The following SYT9 variants were observed in gnomAD, a reference collection of about 807,000 sequenced individuals.
The protein encoded by SYT9 is synaptotagmin-9.
SYT9 carries 22 observed loss-of-function variants against 48.4 expected under a neutral mutation model. The ratio of observed to expected loss-of-function variants is 0.45; its 90% confidence interval spans 0.32 to 0.65. SYT9 has a LOEUF of 0.65. Ranked by LOEUF, SYT9 falls within the 30% of genes least tolerant of loss-of-function variation. The pLI, the probability that SYT9 is intolerant of heterozygous loss-of-function variation, is 0.03. For missense variants in SYT9, 577 were observed against 622.0 expected (o/e 0.93, Z 0.77); for synonymous variants, 265 against 245.0 (o/e 1.08, Z -0.76).
intron 1 of SYT9, among the ~76,000 whole-genome samples, chr11:7,257,550 A>G (rs1847996943): frequency 6.6e-6 from 1 of 152,192 alleles, no homozygotes; most frequent in Non-Finnish European, 1.5e-5. Flanking sequence ...AAAAATCTCC[A>G]AAATAATCAT....
intron 1 of SYT9, among the ~76,000 whole-genome samples, chr11:7,275,956 T>G (rs1487879): frequency 0.6 from 91,004 of 152,042 alleles, 28,164 homozygotes; most frequent in East Asian, 0.72. Flanking sequence ...TTGTTACTTG[T>G]TTATTGTTTG....
chr11:7,407,152 C>A (rs770281420), intron 3 of SYT9, among the ~76,000 whole-genome samples: 42 of 152,082 alleles, frequency 2.8e-4, no homozygotes, highest in Non-Finnish European at 5.0e-4. Flanking sequence ...AACACATTTT[C>A]TCCTCACTCT....
intron 1 of SYT9, among the ~76,000 whole-genome samples, chr11:7,277,863 C>A (rs1848426907): frequency 1.3e-5 from 2 of 152,182 alleles, no homozygotes; most frequent in Admixed American, 6.5e-5. Flanking sequence ...GCTAATGATG[C>A]TGTAGACATC....
At chr11:7,382,124 C>T (rs1165349013) in intron 3 of SYT9, among the ~76,000 whole-genome samples, 1 of 152,166 alleles carries the variant, frequency 6.6e-6, no homozygotes, top group East Asian at 1.9e-4. Context: ...AACTGAGGCT[C>T]CCTTCTATGC....
chr11:7,260,683 C>A (rs1198383746), intron 1 of SYT9, among the ~76,000 whole-genome samples: 1 of 152,106 alleles, frequency 6.6e-6, no homozygotes, highest in African/African-American at 2.4e-5. Flanking sequence ...AGGTTACTGG[C>A]AAATATGTTC....
intron 6 of SYT9, among the ~76,000 whole-genome samples, chr11:7,455,395 G>A (rs369933435): frequency 2.0e-5 from 3 of 148,644 alleles, no homozygotes; most frequent in African/African-American, 5.0e-5. Flanking sequence ...CTGCAGTGGC[G>A]CCATCTCGGC....
At chr11:7,432,581 AAATATATATACAT>A (rs1847618632) in intron 6 of SYT9, among the ~76,000 whole-genome samples, 12 of 3,072 alleles carry the variant, frequency 3.9e-3, no homozygotes, top group African/African-American at 5.8e-3. Flanking sequence ...AAAAAAAAAA[AAATATATATACAT>A]ATATATATAT....
intron 3 of SYT9, among the ~76,000 whole-genome samples, chr11:7,334,503 A>G (rs1191439463): frequency 6.6e-6 from 1 of 152,194 alleles, no homozygotes; most frequent in Non-Finnish European, 1.5e-5. Flanking sequence ...ATATGTTTAA[A>G]GCACACAATT....
chr11:7,315,490 T>C (rs984718212), intron 3 of SYT9, among the ~76,000 whole-genome samples: 3 of 152,200 alleles, frequency 2.0e-5, no homozygotes, highest in African/African-American at 7.2e-5. Context: ...ATCTCAGGTA[T>C]GGTAGGGAGG....
chr11:7,333,762 G>A lies in SYT9; in HGVS notation c.1044+19821G>A, dbSNP rs1429536090. Among the ~76,000 whole-genome samples the A allele has an allele frequency of 2.0e-5, 3 of 152,202 alleles. No individual in the cohort carries two copies. In the East Asian group the frequency reaches 5.8e-4, roughly 29 times the overall value. On this transcript the variant is annotated intron_variant, in intron 3 of 6. Transcript: ENST00000318881. The stretch of plus-strand genomic sequence containing the variant: ...AAGTGAGTTCTGGGTCAGGAAGTTA[G>A]TTGCAGTTTTGTCTCCATCATCATT...
intron 2 of SYT9, among the ~76,000 whole-genome samples, chr11:7,311,393 G>C (rs1849131304): frequency 6.6e-6 from 1 of 152,358 alleles, no homozygotes; most frequent in Middle Eastern, 3.4e-3. Flanking sequence ...TTGCTGTGAT[G>C]AATCGAATGC....
In SYT9 at chr11:7,449,449, G is replaced by A. The variant is rs114346601; in HGVS notation, c.1468-17343G>A. ...CTCTTGAGAGTGCTACAAAGAAAGT[G>A]TTGTGACTTCAAAAGAGAACCAGGA... On this transcript the variant is annotated intron_variant, in intron 6 of 6. Coordinates refer to ENST00000318881, the MANE Select transcript of SYT9 (RefSeq NM_175733.4). 7.1e-3 allele frequency among the ~76,000 whole-genome samples: 1,073 copies of A among 152,140 alleles called. 11 individuals are homozygous for A. The highest frequency in any genetic ancestry group is 0.024 in the African/African-American group (1,007 of 41,486).
chr11:7,344,924 TATTTTAC>T (rs955540876), intron 3 of SYT9, among the ~76,000 whole-genome samples: 3 of 75,372 alleles, frequency 4.0e-5, no homozygotes, highest in Non-Finnish European at 5.2e-5. Context: ...ATCAGCTCAT[TATTTTAC>T]ACACACACAC....
At chr11:7,244,581 G>T (rs1847773086) in intron 1 of SYT9, among the ~76,000 whole-genome samples, 1 of 151,976 alleles carries the variant, frequency 6.6e-6, no homozygotes, top group African/African-American at 2.4e-5. Flanking sequence ...TACCTTTTTT[G>T]GATAATTAGG....
chr11:7,430,441 A>G (rs1482602249), intron 6 of SYT9, among the ~76,000 whole-genome samples: 1 of 152,202 alleles, frequency 6.6e-6, no homozygotes, highest in Admixed American at 6.5e-5. Flanking sequence ...CAGGAAAACA[A>G]TAGGGTGATT....
intron 6 of SYT9, chr11:7,453,888 G>A (rs1564909654): frequency 6.6e-6 from 4 of 606,608 alleles, no homozygotes; most frequent in African/African-American, 2.0e-5. Flanking sequence ...GGGCGCAGAG[G>A]GCATGGCCCC....
At chr11:7,434,451 G>C (rs1847665219) in intron 6 of SYT9, among the ~76,000 whole-genome samples, 1 of 152,170 alleles carries the variant, frequency 6.6e-6, no homozygotes, top group Non-Finnish European at 1.5e-5. Context: ...GCTCTTCATA[G>C]GAAGTTTTTA....
intron 3 of SYT9, among the ~76,000 whole-genome samples, chr11:7,328,759 A>G (rs888462487): frequency 6.6e-6 from 1 of 152,010 alleles, no homozygotes; most frequent in Admixed American, 6.6e-5. Context: ...TTTTTGAGAA[A>G]TTCCTTCAGT....
intron 1 of SYT9, among the ~76,000 whole-genome samples, chr11:7,302,624 T>C (rs923263035): frequency 6.6e-6 from 1 of 152,244 alleles, no homozygotes; most frequent in Non-Finnish European, 1.5e-5. Flanking sequence ...CCAATTATAT[T>C]ATACAGCTCT....
Sources: allele counts gnomAD v4.1 joint callset (sites outside exome capture counted in the v4.1 genomes callset), GRCh38; gene constraint gnomAD v4.1.1; transcripts MANE v1.5; gene names NCBI Gene and HGNC (gene_info 2026-07-23, HGNC 2026-07-21).